GRID2: variants seen among roughly 807,000 people sequenced by gnomAD.
GRID2 encodes the protein glutamate receptor ionotropic, delta-2.
A neutral mutation model predicts 114.8 loss-of-function variants in GRID2; 33 were observed. The ratio of observed to expected loss-of-function variants is 0.29; its 90% CI spans 0.22 to 0.38. The LOEUF (loss-of-function observed/expected upper bound fraction) is 0.38, where lower values mean the gene tolerates loss of function less well. GRID2 is among the 10% of genes least tolerant of loss of function. The probability of loss-of-function intolerance (pLI) is 1.00; values close to 1 mark genes in which losing one functional copy is unlikely to be tolerated. For synonymous variants in GRID2, 505 were observed against 449.9 expected (o/e 1.12, Z -1.55); for missense variants, 1,184 against 1,257.7 (o/e 0.94, Z 0.89).
intron 4 of GRID2, among the ~76,000 whole-genome samples, chr4:93,179,206 A>C (rs1739650318): frequency 6.6e-6 from 1 of 152,152 alleles, no homozygotes; most frequent in Non-Finnish European, 1.5e-5. Context: ...TTCCCACATA[A>C]ATCAGTTTGA....
intron 14 of GRID2, among the ~76,000 whole-genome samples, chr4:93,705,218 C>T (rs1727887234): frequency 6.6e-6 from 1 of 152,120 alleles, no homozygotes; most frequent in Non-Finnish European, 1.5e-5. Flanking sequence ...TGTTGAGCAC[C>T]TTTCACATAC....
intron 1 of GRID2, among the ~76,000 whole-genome samples, chr4:93,799,871 G>A (rs940323903): frequency 6.6e-6 from 1 of 152,164 alleles, no homozygotes. Flanking sequence ...TCCTTACTGA[G>A]TTCTATAAAT....
chr4:92,583,303 G>A (rs1031320430), intron 1 of GRID2, among the ~76,000 whole-genome samples: 1 of 151,788 alleles, frequency 6.6e-6, no homozygotes, highest in African/African-American at 2.4e-5. Context: ...ATAAATTGGA[G>A]AGAAACACAA....
At chr4:93,454,748 A>G (rs1723030985) in intron 10 of GRID2, among the ~76,000 whole-genome samples, 2 of 152,104 alleles carry the variant, frequency 1.3e-5, no homozygotes, top group Admixed American at 1.3e-4. Flanking sequence ...TCCTGAAACA[A>G]TTAAAAAGAA....
At chr4:92,801,437 A>T (rs192931143) in intron 2 of GRID2, among the ~76,000 whole-genome samples, 74 of 152,112 alleles carry the variant, frequency 4.9e-4, no homozygotes, top group South Asian at 1.2e-3. Context: ...AATTCTTAAA[A>T]TTCCACCCCC....
intron 2 of GRID2, among the ~76,000 whole-genome samples, chr4:92,958,559 G>A (rs1052304107): frequency 2.0e-5 from 3 of 152,022 alleles, no homozygotes; most frequent in Non-Finnish European, 4.4e-5. Context: ...TACATTGTTG[G>A]ATTTGATTTG....
chr4:92,887,702 G>T (rs6532383), intron 2 of GRID2, among the ~76,000 whole-genome samples: 86,499 of 152,034 alleles, frequency 0.57, 25,893 homozygotes, highest in Middle Eastern at 0.74. Flanking sequence ...ATCAGATTTC[G>T]CCTGTGTATT....
chr4:93,519,692 T>C (rs1480034029), intron 13 of GRID2, among the ~76,000 whole-genome samples: 1 of 152,118 alleles, frequency 6.6e-6, no homozygotes, highest in Non-Finnish European at 1.5e-5. Context: ...AAAACCAGGA[T>C]TGGTAGGATT....
intron 2 of GRID2, among the ~76,000 whole-genome samples, chr4:92,665,760 A>G (rs1156804367): frequency 6.6e-6 from 1 of 150,850 alleles, no homozygotes; most frequent in Non-Finnish European, 1.5e-5. Flanking sequence ...ATTGCCTTCT[A>G]GACTGCAGTT....
At chr4:92,617,247 G>A (rs748604814) in intron 2 of GRID2, among the ~76,000 whole-genome samples, 4 of 150,984 alleles carry the variant, frequency 2.6e-5, no homozygotes, top group Non-Finnish European at 4.4e-5. Flanking sequence ...TAGCATGCAA[G>A]TACAGATTGT....
intron 10 of GRID2, among the ~76,000 whole-genome samples, chr4:93,424,810 C>A (rs902096676): frequency 1.3e-5 from 2 of 152,036 alleles, no homozygotes; most frequent in Non-Finnish European, 2.9e-5. Flanking sequence ...CAAGTTAGAT[C>A]ACTTAATGTT....
At chr4:92,792,832 C>CTGTAAAGT (rs1012732437) in intron 2 of GRID2, among the ~76,000 whole-genome samples, 7 of 150,290 alleles carry the variant, frequency 4.7e-5, no homozygotes, top group Non-Finnish European at 7.4e-5. Context: ...AGTCTACGAT[C>CTGTAAAGT]TGTAAAGTTA....
chr4:92,464,271 A>C (rs148851385), intron 1 of GRID2, among the ~76,000 whole-genome samples: 1 of 152,130 alleles, frequency 6.6e-6, no homozygotes, highest in Non-Finnish European at 1.5e-5. Context: ...CTCTTAGTAA[A>C]AACTCAACCC....
chr4:93,047,335 A>G (rs1429231200), intron 2 of GRID2, among the ~76,000 whole-genome samples: 1 of 152,160 alleles, frequency 6.6e-6, no homozygotes, highest in Non-Finnish European at 1.5e-5. Flanking sequence ...TTAGTTAACA[A>G]TAATGTGTCA....
At chr4:92,871,445 T>C (rs534146904) in intron 2 of GRID2, among the ~76,000 whole-genome samples, 11 of 152,162 alleles carry the variant, frequency 7.2e-5, no homozygotes, top group Non-Finnish European at 1.6e-4. Context: ...ATGATGCAAT[T>C]ATTATTCTAT....
At chr4:92,967,124 A>G (rs921975240) in intron 2 of GRID2, among the ~76,000 whole-genome samples, 4 of 151,922 alleles carry the variant, frequency 2.6e-5, no homozygotes, top group Non-Finnish European at 5.9e-5. Flanking sequence ...GGAGGTCAGT[A>G]TGTTCCAATT....
chr4:93,085,044 C>G lies in GRID2; in HGVS notation c.294C>G (p.Gly98=). 6.2e-7 allele frequency: 1 copy of G among 1,614,052 alleles called. No homozygotes were observed. The highest frequency in any genetic ancestry group is 8.5e-7 in the Non-Finnish European group (1 of 1,179,906). Reference sequence around the variant, plus strand: ...TCTTGGCCCTGGTCAGCTCCATTGGCTGCACGTCAGCAGGATCCCTCCAGT... The same window carrying G: ...TCTTGGCCCTGGTCAGCTCCATTGGGTGCACGTCAGCAGGATCCCTCCAGT... ...QGILALVSSI[G]CTSAGSLQSL... The change falls in exon 3 of 16, where the codon GGC becomes GGG. Residue 98 remains glycine (G), a synonymous_variant. Coordinates refer to ENST00000282020, the MANE Select transcript of GRID2 (RefSeq NM_001510.4).
intron 1 of GRID2, among the ~76,000 whole-genome samples, chr4:92,315,993 C>CAAAAAAAAAAAAAAAAAAAAAAAAAAA (rs778361565): frequency 4.5e-4 from 28 of 61,896 alleles, no homozygotes; most frequent in African/African-American, 1.4e-3. Flanking sequence ...AAACAAAAAG[C>CAAAAAAAAAAAAAAAAAAAAAAAAAAA]AAAAAAAAAA....
intron 4 of GRID2, among the ~76,000 whole-genome samples, chr4:93,152,544 A>C (rs1439311417): frequency 6.6e-6 from 1 of 152,136 alleles, no homozygotes; most frequent in South Asian, 2.1e-4. Flanking sequence ...AGGTGGATAC[A>C]TACTGGTTAG....
Sources: gnomAD v4.1 joint callset for allele counts (sites outside exome capture counted in the v4.1 genomes callset) on GRCh38, gnomAD v4.1.1 for gene constraint, MANE v1.5 for transcripts, NCBI Gene and HGNC (gene_info 2026-07-23, HGNC 2026-07-21) for gene names.